HBP1: variants seen among roughly 807,000 people sequenced by gnomAD.
The protein encoded by HBP1 is HMG box-containing protein 1.
HBP1 carries 20 observed loss-of-function variants against 62.6 expected under a neutral mutation model. The ratio of observed to expected loss-of-function variants is 0.32; its 90% confidence interval spans 0.22 to 0.46. The LOEUF (loss-of-function observed/expected upper bound fraction) is 0.46, where lower values mean the gene tolerates loss of function less well. Ranked by LOEUF, HBP1 falls within the 20% of genes least tolerant of loss-of-function variation. The pLI is 1.00. For missense variants in HBP1, 480 were observed against 611.8 expected (o/e 0.78, Z 2.27); for synonymous variants, 232 against 206.2 (o/e 1.12, Z -1.07).
intron 1 of HBP1, among the ~76,000 whole-genome samples, chr7:107,171,073 A>ATATATTTTTTTTTTTTTTTTT: frequency 1.1e-5 from 1 of 87,194 alleles, no homozygotes; most frequent in East Asian, 3.0e-4. Context: ...ATATATATAT[A>ATATATTTTTTTTTTTTTTTTT]TTTTTTTTTT....
intron 4 of HBP1, 81 bp downstream of exon 4, chr7:107,186,023 C>A: frequency 2.9e-6 from 3 of 1,031,666 alleles, no homozygotes; most frequent in South Asian, 2.8e-5. Context: ...AGGAAGTAGT[C>A]TCACTGTTCT....
At chr7:107,172,057 T>C (rs1232451219) in intron 1 of HBP1, among the ~76,000 whole-genome samples, 3 of 152,090 alleles carry the variant, frequency 2.0e-5, no homozygotes, top group African/African-American at 7.2e-5. Flanking sequence ...ATCAGTAACA[T>C]TCACATTTTT....
At chr7:107,179,805 GATTT>G in intron 1 of HBP1, 70 bp from the exon 2 acceptor site, 1 of 901,246 alleles carries the variant, frequency 1.1e-6, no homozygotes, top group Non-Finnish European at 1.7e-6. Flanking sequence ...TCATGTCTCT[GATTT>G]ATTTTAGGTT....
chr7:107,202,307 G>T lies in HBP1; in HGVS notation c.*876G>T, dbSNP rs1292565635. The stretch of plus-strand genomic sequence containing the variant: ...CTTGCACTTTAATTTTCCTCCAACT[G>T]TCTAAAATTAGAGCAAATACATTGG... On this transcript the variant is annotated 3_prime_UTR_variant, in exon 11 of 11. Coordinates refer to ENST00000222574, the MANE Select transcript of HBP1 (RefSeq NM_012257.4). 1 of 152,536 alleles carries T rather than the reference G, an allele frequency of 6.6e-6. No homozygotes were observed. Among genetic ancestry groups the T allele is most frequent in the Admixed American group, 6.5e-5 (1 of 15,280 alleles). The allele number at this position is 152,536 out of a possible 1,614,324, so 9.4% of individuals were successfully genotyped here. A position where few individuals can be genotyped will look rare whatever the true frequency, so the allele number is the denominator to read the frequency against.
chr7:107,174,795 A>G, intron 1 of HBP1: 1 of 650,548 alleles, frequency 1.5e-6, no homozygotes, highest in Admixed American at 6.3e-5. Flanking sequence ...TGTGCAGCTC[A>G]CATCTGTATG....
rs148424235 is a variant in HBP1, at chr7:107,199,357, C to T, written c.1386-803C>T. ...TTGGCCTCCAAAAGTGCTGGGATTA[C>T]AGGCATGAGTCACAACGTCCAGCCC... On this transcript the variant is annotated intron_variant, in intron 9 of 10. Transcript: ENST00000222574. Among the ~76,000 whole-genome samples, 558 of 152,314 alleles carry T rather than the reference C, an allele frequency of 3.7e-3. 2 individuals are homozygous for T. Among genetic ancestry groups the T allele is most frequent in the African/African-American group, 0.013 (529 of 41,568 alleles).
chr7:107,187,696 T>C (rs1356075141), intron 6 of HBP1, among the ~76,000 whole-genome samples: 1 of 152,220 alleles, frequency 6.6e-6, no homozygotes, highest in Non-Finnish European at 1.5e-5. Flanking sequence ...CTACAAAAAT[T>C]GTCTCAAAGG....
chr7:107,184,073 A>G (rs1797239608), intron 3 of HBP1, among the ~76,000 whole-genome samples: 2 of 152,214 alleles, frequency 1.3e-5, no homozygotes, highest in African/African-American at 4.8e-5. Flanking sequence ...AGAATATCAC[A>G]TTGTTCCCTT....
intron 9 of HBP1, among the ~76,000 whole-genome samples, chr7:107,198,390 A>G (rs1268982633): frequency 6.6e-6 from 1 of 151,960 alleles, no homozygotes; most frequent in African/African-American, 2.4e-5. Flanking sequence ...TTGTAGTTTT[A>G]GTAGAGATGG....
chr7:107,202,438 C>T lies in HBP1; in HGVS notation c.*1007C>T, dbSNP rs1175126221. Reference sequence around the variant, plus strand: ...AGCTGTAAAATTGATTTCAGTTCATCACACTTCTTCATGATGTTGCCCCTA... The same window carrying T: ...AGCTGTAAAATTGATTTCAGTTCATTACACTTCTTCATGATGTTGCCCCTA... On this transcript the variant is annotated 3_prime_UTR_variant, in exon 11 of 11. Transcript: ENST00000222574. The T allele has an allele frequency of 6.6e-6, 1 of 152,578 alleles. No individual in the cohort carries two copies. The highest frequency in any genetic ancestry group is 1.5e-5 in the Non-Finnish European group (1 of 68,028). 9.5% of individuals were successfully genotyped at this position (152,578 alleles called of 1,614,324 possible). A position where few individuals can be genotyped will look rare whatever the true frequency, so the allele number is the denominator to read the frequency against.
At chr7:107,170,438 A>G (rs933900631) in intron 1 of HBP1, among the ~76,000 whole-genome samples, 7 of 151,504 alleles carry the variant, frequency 4.6e-5, no homozygotes, top group Admixed American at 2.6e-4. Flanking sequence ...TTTTTTTGCT[A>G]TTTTCCTTTA....
At position 107,202,211 on chromosome 7, in the gene HBP1, G is replaced by A. The variant is rs1206865392; in HGVS notation, c.*780G>A. Reference sequence around the variant, plus strand: ...TCGTGTTCTGTATCTCCTCAGCCATGTATCTTAAATATATTTTGTCATCAT... The same window carrying A: ...TCGTGTTCTGTATCTCCTCAGCCATATATCTTAAATATATTTTGTCATCAT... On this transcript the variant is annotated 3_prime_UTR_variant, in exon 11 of 11. Transcript: ENST00000222574. 2 of 152,458 alleles carry A rather than the reference G, an allele frequency of 1.3e-5. No individual in the cohort carries two copies. The highest frequency in any genetic ancestry group is 6.6e-5 in the Admixed American group (1 of 15,252). The allele number at this position is 152,458 out of a possible 1,614,324, so 9.4% of individuals were successfully genotyped here. A position where few individuals can be genotyped will look rare whatever the true frequency, so the allele number is the denominator to read the frequency against.
Position 107,186,689 on chromosome 7 carries a change from TA to T in HBP1, c.765+12del, listed in dbSNP as rs750898624. 3.3e-6 allele frequency: 5 copies of T among 1,519,736 alleles called. No individual in the cohort carries two copies. Among genetic ancestry groups the T allele is most frequent in the African/African-American group, 2.8e-5 (2 of 71,998 alleles). 94.1% of individuals were successfully genotyped at this position (1,519,736 alleles called of 1,614,324 possible). On this transcript the variant is annotated intron_variant, in intron 6 of 10. Coordinates refer to ENST00000222574, the MANE Select transcript of HBP1 (RefSeq NM_012257.4). Reference sequence around the variant, plus strand: ...CAAATGGGCATTCACAAGGTTGATTTAAAATTCTTAAAAAATTTTTCAAAAT... The same window carrying T: ...CAAATGGGCATTCACAAGGTTGATTTAAATTCTTAAAAAATTTTTCAAAAT...
intron 2 of HBP1, among the ~76,000 whole-genome samples, chr7:107,182,102 G>A (rs1185306741): frequency 6.6e-6 from 1 of 152,006 alleles, no homozygotes; most frequent in South Asian, 2.1e-4. Flanking sequence ...CACATAAAAT[G>A]CCTTTTTCTT....
chr7:107,174,454 T>G, intron 1 of HBP1: 1 of 984,798 alleles, frequency 1.0e-6, no homozygotes, highest in Non-Finnish European at 1.2e-6. Flanking sequence ...TAAGGAGTTT[T>G]GGGATGGTGG....
At position 107,190,332 on chromosome 7, in the gene HBP1, ATTCT is replaced by A. The variant is rs1333983702; in HGVS notation, c.1067+18_1067+21del. ...ACATTTAAAAGGTAATATTGGATTA[ATTCT>A]TTGTTTTATTTTCCTCTTAAAGTTT... On this transcript the variant is annotated intron_variant, in intron 8 of 10. Transcript: ENST00000222574. 11 of 1,575,024 alleles carry A rather than the reference ATTCT, an allele frequency of 7.0e-6. No homozygotes were observed. Among genetic ancestry groups the A allele is most frequent in the South Asian group, 5.7e-5 (5 of 88,058 alleles).
At chr7:107,190,469 A>C (rs928644154) in intron 8 of HBP1, 152 bp downstream of exon 8, 1 of 574,672 alleles carries the variant, frequency 1.7e-6, no homozygotes, top group Non-Finnish European at 3.0e-6. Flanking sequence ...ACATGAAAAC[A>C]TATTAGGTAA....
chr7:107,182,917 A>G (rs1209540304), intron 3 of HBP1, among the ~76,000 whole-genome samples: 2 of 152,242 alleles, frequency 1.3e-5, no homozygotes, highest in African/African-American at 2.4e-5. Flanking sequence ...CTAAGGAAGC[A>G]GAGTTGTAAT....
At chr7:107,186,292 G>T in intron 4 of HBP1, 69 bp from the exon 5 acceptor site, 1 of 928,716 alleles carries the variant, frequency 1.1e-6, no homozygotes, top group Non-Finnish European at 1.7e-6. Context: ...AAAGACGTGG[G>T]ATGAAAACAG....
Sources: gnomAD v4.1 joint callset for allele counts (sites outside exome capture counted in the v4.1 genomes callset) on GRCh38, gnomAD v4.1.1 for gene constraint, MANE v1.5 for transcripts, NCBI Gene and HGNC (gene_info 2026-07-23, HGNC 2026-07-21) for gene names.